BBS9: variants seen among roughly 807,000 people sequenced by gnomAD.
The protein encoded by BBS9 is protein PTHB1.
In BBS9, 89 loss-of-function variants were observed where a neutral mutation model predicts 117.7. The observed-to-expected ratio is 0.76, with a 90% CI of 0.64 to 0.90. The LOEUF (loss-of-function observed/expected upper bound fraction) is 0.90. Ranked by LOEUF, BBS9 falls within the 40% of genes least tolerant of loss-of-function variation. BBS9 has a pLI of 0.00. For missense variants in BBS9, 982 were observed against 1,042.2 expected (o/e 0.94, Z 0.80); for synonymous variants, 379 against 370.9 (o/e 1.02, Z -0.25).
chr7:33,255,537 A>G (rs1218973368), intron 5 of BBS9, among the ~76,000 whole-genome samples: 4 of 152,162 alleles, frequency 2.6e-5, no homozygotes, highest in South Asian at 4.1e-4. Flanking sequence ...TAACTTGTTT[A>G]TAAAAACGAC....
chr7:33,629,151 C>G (rs948555500), intron 21 of BBS9, among the ~76,000 whole-genome samples: 3 of 152,178 alleles, frequency 2.0e-5, no homozygotes, highest in Middle Eastern at 3.2e-3. Context: ...ACACAAGGAG[C>G]AAAGTAAACG....
intron 17 of BBS9, 108 bp from the exon 18 acceptor site, chr7:33,383,558 C>A: frequency 9.8e-7 from 1 of 1,024,446 alleles, no homozygotes; most frequent in Non-Finnish European, 1.5e-6. Flanking sequence ...ATCTTTGTTA[C>A]AAAAATGAAA....
chr7:33,517,880 A>C (rs996729210), intron 20 of BBS9, among the ~76,000 whole-genome samples: 1 of 152,148 alleles, frequency 6.6e-6, no homozygotes, highest in African/African-American at 2.4e-5. Flanking sequence ...ACTCTTCTCC[A>C]ATCTATTTAA....
Position 33,152,681 on chromosome 7 carries a change from T to A in BBS9, c.113-20T>A. 1.2e-6 allele frequency: 2 copies of A among 1,602,068 alleles called. No individual in the cohort carries two copies. Among genetic ancestry groups the A allele is most frequent in the Non-Finnish European group, 1.7e-6 (2 of 1,171,682 alleles). On this transcript the variant is annotated intron_variant, in intron 2 of 22. Transcript: ENST00000242067. ...ATGTTTGTTTCTCCCTCTATCTTTT[T>A]TTTTTTAAATTCTCTACAGATAAAA...
At chr7:33,422,254 T>A (rs1832967235) in intron 19 of BBS9, among the ~76,000 whole-genome samples, 1 of 152,206 alleles carries the variant, frequency 6.6e-6, no homozygotes, top group Non-Finnish European at 1.5e-5. Flanking sequence ...ACATATTACT[T>A]CACAGTAACA....
At chr7:33,538,778 A>T (rs934853687) in intron 21 of BBS9, among the ~76,000 whole-genome samples, 9 of 151,650 alleles carry the variant, frequency 5.9e-5, no homozygotes, top group Non-Finnish European at 8.8e-5. Context: ...GACATTAAAA[A>T]AAAAAAAGGG....
At chr7:33,455,404 A>ACC (rs1563200168) in intron 19 of BBS9, among the ~76,000 whole-genome samples, 1 of 152,212 alleles carries the variant, frequency 6.6e-6, no homozygotes, top group Non-Finnish European at 1.5e-5. Context: ...TTTTCCAGGT[A>ACC]AAATCTTCCT....
chr7:33,546,239 C>G (rs1008750430), intron 21 of BBS9, among the ~76,000 whole-genome samples: 3 of 151,982 alleles, frequency 2.0e-5, no homozygotes, highest in African/African-American at 7.2e-5. Flanking sequence ...GGCCTATAAT[C>G]CATTTTTTAA....
At chr7:33,548,006 A>C (rs1229506202) in intron 21 of BBS9, among the ~76,000 whole-genome samples, 2 of 152,026 alleles carry the variant, frequency 1.3e-5, no homozygotes, top group Non-Finnish European at 2.9e-5. Flanking sequence ...GACCTCATAG[A>C]ATAACATTCT....
chr7:33,253,518 A>G (rs761739040), intron 5 of BBS9, among the ~76,000 whole-genome samples: 2 of 152,194 alleles, frequency 1.3e-5, no homozygotes, highest in Non-Finnish European at 2.9e-5. Flanking sequence ...AGGCTGAGGC[A>G]GGAGAATTGC....
rs1244198798 is a variant in BBS9, at chr7:33,166,573, G to A, written c.328+10871G>A. ...TACTCAAGCCTCAGCAATGGCGGAT[G>A]CCCCTCCCCCTGCCAGGCTGCTGCC... is the stretch of plus-strand genomic sequence containing the variant. On this transcript the variant is annotated intron_variant, in intron 4 of 22. Transcript: ENST00000242067. Among the ~76,000 whole-genome samples, 6 of 152,240 alleles carry A rather than the reference G, an allele frequency of 3.9e-5. No homozygotes were observed. In the East Asian group the frequency reaches 1.2e-3, roughly 29 times the overall value.
At chr7:33,393,454 A>T (rs1469942131) in intron 19 of BBS9, among the ~76,000 whole-genome samples, 1 of 152,184 alleles carries the variant, frequency 6.6e-6, no homozygotes, top group East Asian at 1.9e-4. Flanking sequence ...ATACTTTTAG[A>T]ACAAAGGGTC....
At chr7:33,527,540 C>T (rs1036317722) in intron 20 of BBS9, among the ~76,000 whole-genome samples, 4 of 152,338 alleles carry the variant, frequency 2.6e-5, no homozygotes, top group African/African-American at 4.8e-5. Context: ...CTTTCTTTGA[C>T]TCGGAAAGGG....
Position 33,346,942 on chromosome 7 carries a change from T to G in BBS9, c.1330-2126T>G, listed in dbSNP as rs548483738. Among the ~76,000 whole-genome samples the G allele has an allele frequency of 2.8e-4, 43 of 152,346 alleles. 1 individual carries two copies. In the South Asian group the frequency reaches 8.9e-3, roughly 32 times the overall value. On this transcript the variant is annotated intron_variant, in intron 12 of 22. Coordinates refer to ENST00000242067, the MANE Select transcript of BBS9 (RefSeq NM_198428.3). ...ATGGCTTTGCACAGGTTATTTACCT[T>G]CTCTGAACCTCTATTTTTTAAACTG...
At chr7:33,591,285 G>A (rs1861876966) in intron 21 of BBS9, among the ~76,000 whole-genome samples, 1 of 151,896 alleles carries the variant, frequency 6.6e-6, no homozygotes, top group South Asian at 2.1e-4. Flanking sequence ...ATTTTCCTGT[G>A]GGAAGCTGAT....
At chr7:33,441,578 G>A (rs962439624) in intron 19 of BBS9, among the ~76,000 whole-genome samples, 6 of 152,046 alleles carry the variant, frequency 3.9e-5, no homozygotes, top group Admixed American at 3.3e-4. Context: ...GAGATCTTGA[G>A]CATTCTGGTT....
At chr7:33,531,538 C>T (rs1280388098) in intron 20 of BBS9, among the ~76,000 whole-genome samples, 2 of 152,136 alleles carry the variant, frequency 1.3e-5, no homozygotes, top group Non-Finnish European at 2.9e-5. Context: ...AATTGGAGCT[C>T]ATTCAAAGAA....
chr7:33,597,025 A>G (rs1419430511), intron 21 of BBS9, among the ~76,000 whole-genome samples: 31 of 151,624 alleles, frequency 2.0e-4, no homozygotes, highest in Non-Finnish European at 1.5e-4. Flanking sequence ...ATGTCTATGT[A>G]CCTATGTGCA....
chr7:33,249,557 A>G (rs539220584), intron 5 of BBS9, among the ~76,000 whole-genome samples: 2 of 152,162 alleles, frequency 1.3e-5, no homozygotes, highest in African/African-American at 4.8e-5. Context: ...ATCCTCTCAA[A>G]TTGATCTTGG....
Sources: gnomAD v4.1 joint callset for allele counts (sites outside exome capture counted in the v4.1 genomes callset) on GRCh38, gnomAD v4.1.1 for gene constraint, MANE v1.5 for transcripts, NCBI Gene and HGNC (gene_info 2026-07-23, HGNC 2026-07-21) for gene names.